Variants in LYPD8 observed in about 807,000 individuals in gnomAD.
LYPD8 encodes ly6/PLAUR domain-containing protein 8.
A neutral mutation model predicts 1.7 loss-of-function variants in LYPD8; 8 were observed. That is an observed-to-expected ratio of 4.58 (90% confidence interval 2.69 to 8.27). The LOEUF (loss-of-function observed/expected upper bound fraction) is 8.27. Among genes scored for constraint, LYPD8 ranks in the 30% most tolerant of loss-of-function variants. LYPD8 has a pLI of 0.00. For synonymous variants in LYPD8, 50 were observed against 43.6 expected (o/e 1.15, Z -0.58); for missense variants, 112 against 102.3 (o/e 1.09, Z -0.41).
chr1:248,750,815 TTTCTC>T, intron 3 of LYPD8, among the ~76,000 whole-genome samples, 172 bp from the exon 4 acceptor site: 1 of 152,218 alleles, frequency 6.6e-6, no homozygotes, highest in East Asian at 1.9e-4. Flanking sequence ...CCCTAATTAG[TTTCTC>T]CCACTGCTCA....
At chr1:248,749,900 A>G (rs1044244482) in intron 4 of LYPD8, among the ~76,000 whole-genome samples, 3 of 151,748 alleles carry the variant, frequency 2.0e-5, no homozygotes, top group Admixed American at 1.3e-4. Flanking sequence ...AATTTAAAAT[A>G]CCATAGCCAA....
rs1045241966 is a variant in LYPD8, at chr1:248,748,273, C to A, written c.337+16G>T. 7 of 455,222 alleles carry A rather than the reference C, an allele frequency of 1.5e-5. No homozygotes were observed. Among genetic ancestry groups the A allele is most frequent in the African/African-American group, 1.4e-4 (7 of 48,660 alleles). The allele number at this position is 455,222 out of a possible 1,614,324, so 28.2% of individuals were successfully genotyped here. On this transcript the variant is annotated intron_variant, in intron 5 of 6. Coordinates refer to ENST00000590317, the MANE Select transcript of LYPD8 (RefSeq NM_001085474.2). ...CAGCACCCACCCAGGGCATCGCCCG[C>A]ACGGCCAGCACCCACCCAGGGCATC... is the stretch of plus-strand genomic sequence containing the variant.
chr1:248,740,654 C>G (rs1662576081), intron 6 of LYPD8, among the ~76,000 whole-genome samples: 1 of 148,246 alleles, frequency 6.7e-6, no homozygotes, highest in Non-Finnish European at 1.5e-5. Flanking sequence ...TCAAGGCCGG[C>G]TCTAGGACCA....
rs898250553 is a variant in LYPD8, at chr1:248,750,605, A to T, written c.91T>A (p.Ser31Thr). 2.5e-6 allele frequency: 1 copy of T among 398,562 alleles called. No homozygotes were observed. The highest frequency in any genetic ancestry group is 4.4e-6 in the Non-Finnish European group (1 of 226,076). 24.7% of individuals were successfully genotyped at this position (398,562 alleles called of 1,614,324 possible). A position where few individuals can be genotyped will look rare whatever the true frequency, so the allele number is the denominator to read the frequency against. ...SCVQCNSWEK[S>T]CVNSIASECP... ...TCAGAGGCAATGCTGTTGACACAGG[A>T]TTTTTCCCATGAATTACACTGCACG... is the stretch of plus-strand genomic sequence containing the variant. The change falls in exon 4 of 7, where the codon TCC becomes ACC. Residue 31 changes from serine to threonine, a missense_variant. Physicochemically the swap from Ser to Thr is moderately conservative, Grantham distance 58. Transcript: ENST00000590317.
At chr1:248,754,833 G>T (rs963049278) in intron 2 of LYPD8, among the ~76,000 whole-genome samples, 1 of 151,828 alleles carries the variant, frequency 6.6e-6, no homozygotes, top group Non-Finnish European at 1.5e-5. Flanking sequence ...CTCCAGGCCC[G>T]GTGCACCCCT....
chr1:248,752,760 ACC>A (rs1662827567), intron 2 of LYPD8, among the ~76,000 whole-genome samples: 1 of 82,428 alleles, frequency 1.2e-5, no homozygotes, highest in Non-Finnish European at 2.5e-5. Flanking sequence ...CCCCACACAC[ACC>A]ACACACCCCA....
chr1:248,754,079 CACAT>C (rs1310489818), intron 2 of LYPD8, among the ~76,000 whole-genome samples: 2 of 148,368 alleles, frequency 1.3e-5, no homozygotes, highest in African/African-American at 2.5e-5. Context: ...CCACACCACA[CACAT>C]ACACCACATA....
chr1:248,751,362 G>A (rs1662799066), intron 2 of LYPD8, among the ~76,000 whole-genome samples: 1 of 152,180 alleles, frequency 6.6e-6, no homozygotes, highest in Non-Finnish European at 1.5e-5. Flanking sequence ...AACACAGCCA[G>A]GGGCCATTTC....
chr1:248,752,824 C>CAT, intron 2 of LYPD8, among the ~76,000 whole-genome samples: 1 of 102,122 alleles, frequency 9.8e-6, no homozygotes, highest in Admixed American at 9.1e-5. Flanking sequence ...CACATCACAT[C>CAT]ACACACACCA....
chr1:248,740,996 G>T (rs781947337), intron 6 of LYPD8, among the ~76,000 whole-genome samples: 3 of 152,304 alleles, frequency 2.0e-5, no homozygotes, highest in South Asian at 2.1e-4. Flanking sequence ...CATGCCTGTA[G>T]TCCCACTACT....
chr1:248,753,573 AC>A lies in LYPD8; in HGVS notation c.-50+1665del, dbSNP rs1218530953. The stretch of plus-strand genomic sequence containing the variant: ...AAAACACATCACACACACAACACAC[AC>A]CCCACACAACACACACAACACAACA... On this transcript the variant is annotated intron_variant, in intron 2 of 6. Transcript: ENST00000590317. Among the ~76,000 whole-genome samples the A allele has an allele frequency of 2.6e-5, 3 of 116,734 alleles. No individual in the cohort carries two copies. The East Asian group carries it at 9.6e-4, about 37-fold the overall frequency. The allele number at this position is 116,734 out of a possible 152,430, so 76.6% of individuals were successfully genotyped here.
Position 248,752,588 on chromosome 1 carries a change from A to ACCACACACC in LYPD8, c.-49-1467_-49-1459dup, listed in dbSNP as rs1318534934. Among the ~76,000 whole-genome samples the ACCACACACC allele has an allele frequency of 2.5e-5, 3 of 120,422 alleles. No homozygotes were observed. In the East Asian group the frequency reaches 7.7e-4, roughly 31 times the overall value. 79.0% of individuals were successfully genotyped at this position (120,422 alleles called of 152,430 possible). The stretch of plus-strand genomic sequence containing the variant: ...TCATGAACACACACATCACACACAC[A>ACCACACACC]CCACACACCCCACACACCCCACACA... On this transcript the variant is annotated intron_variant, in intron 2 of 6. Transcript: ENST00000590317.
intron 2 of LYPD8, among the ~76,000 whole-genome samples, chr1:248,752,875 C>CAA (rs1662837702): frequency 1.6e-5 from 2 of 128,118 alleles, no homozygotes; most frequent in African/African-American, 3.3e-5. Flanking sequence ...ACACCACACA[C>CAA]CCCACACAAC....
chr1:248,745,513 T>C (rs961282241), intron 5 of LYPD8, among the ~76,000 whole-genome samples: 5 of 152,346 alleles, frequency 3.3e-5, no homozygotes, highest in African/African-American at 1.2e-4. Flanking sequence ...CCCATCAGTG[T>C]GTTTGGGTAT....
chr1:248,751,872 C>T (rs1215752031), intron 2 of LYPD8, among the ~76,000 whole-genome samples: 5 of 152,274 alleles, frequency 3.3e-5, no homozygotes, highest in South Asian at 4.1e-4. Flanking sequence ...TTCCAAATAG[C>T]GTGTCACCAA....
chr1:248,754,157 T>C (rs1315368386), intron 2 of LYPD8, among the ~76,000 whole-genome samples: 2 of 139,682 alleles, frequency 1.4e-5, no homozygotes, highest in Non-Finnish European at 3.1e-5. Flanking sequence ...ACACCACACA[T>C]CACATGTCAC....
chr1:248,751,568 C>T (rs1008203380), intron 2 of LYPD8, among the ~76,000 whole-genome samples: 3,985 of 152,188 alleles, frequency 0.026, 182 homozygotes, highest in African/African-American at 0.09. Flanking sequence ...CCACCACCAC[C>T]GCAATAGGCA....
Position 248,755,288 on chromosome 1 carries a change from C to T in LYPD8, c.-99G>A, listed in dbSNP as rs1662903526. 1 of 152,214 alleles carries T rather than the reference C, an allele frequency of 6.6e-6. No homozygotes were observed. The highest frequency in any genetic ancestry group is 2.4e-5 in the African/African-American group (1 of 41,452). 9.4% of individuals were successfully genotyped at this position (152,214 alleles called of 1,614,324 possible). A position where few individuals can be genotyped will look rare whatever the true frequency, so the allele number is the denominator to read the frequency against. ...CTTAGGCCGTTTCACTAGGTACTTCCCACTGGCAAAGTTTTATTGCGGAAT... is the reference window on the plus strand; with the variant it reads ...CTTAGGCCGTTTCACTAGGTACTTCTCACTGGCAAAGTTTTATTGCGGAAT... On this transcript the variant is annotated 5_prime_UTR_variant, in exon 2 of 7. Transcript: ENST00000590317.
chr1:248,739,491 C>G lies in LYPD8; in HGVS notation c.*120G>C, dbSNP rs1490617460. 2.2e-6 allele frequency: 3 copies of G among 1,384,248 alleles called. No homozygotes were observed. The highest frequency in any genetic ancestry group is 2.9e-6 in the Non-Finnish European group (3 of 1,024,340). The allele number at this position is 1,384,248 out of a possible 1,614,324, so 85.7% of individuals were successfully genotyped here. ...CGGCATTGCCTGGAGACCTGTGACT[C>G]CCACTTACTGGGCAGTTAAACGGGG... On this transcript the variant is annotated 3_prime_UTR_variant, in exon 7 of 7. Transcript: ENST00000590317. This position sits in a 1 kb window ranked among gnomAD's most constrained non-coding sequence, Gnocchi z 4.3.
Sources: allele counts gnomAD v4.1 joint callset (sites outside exome capture counted in the v4.1 genomes callset), GRCh38; gene constraint gnomAD v4.1.1; non-coding constraint Gnocchi (gnomAD v3.1); transcripts MANE v1.5; gene names NCBI Gene and HGNC (gene_info 2026-07-23, HGNC 2026-07-21).